CFAP52: variants seen among roughly 807,000 people sequenced by gnomAD.
CFAP52 encodes the protein cilia and flagella associated protein 52, also known as cilia- and flagella-associated protein 52.
Under a neutral mutation model 70.5 loss-of-function variants are expected in CFAP52, and 57 were observed. The ratio of observed to expected loss-of-function variants is 0.81; its 90% CI spans 0.65 to 1.01. CFAP52 has a LOEUF of 1.01. Among genes scored for constraint, CFAP52 ranks in the 50% least tolerant of loss-of-function variants. CFAP52 has a pLI of 0.00. For missense variants in CFAP52, 785 were observed against 788.5 expected, an observed-to-expected ratio of 1.00 and a Z score of 0.05; for synonymous variants, 267 against 292.5, an observed-to-expected ratio of 0.91 and a Z score of 0.89.
At chr17:9,628,930 A>C in intron 9 of CFAP52, 110 bp downstream of exon 9, 1 of 1,472,150 alleles carries the variant, frequency 6.8e-7, no homozygotes, top group Non-Finnish European at 9.3e-7. Flanking sequence ...ACAGCCTCCC[A>C]CTGTCCACCC....
chr17:9,624,090 C>A (rs141029534), intron 8 of CFAP52, among the ~76,000 whole-genome samples: 259 of 152,088 alleles, frequency 1.7e-3, no homozygotes, highest in African/African-American at 6.1e-3. Context: ...TGTCATTTTT[C>A]TGTTTATATT....
At chr17:9,602,102 T>C (rs1432971239) in intron 6 of CFAP52, among the ~76,000 whole-genome samples, 1 of 152,184 alleles carries the variant, frequency 6.6e-6, no homozygotes, top group Non-Finnish European at 1.5e-5. Flanking sequence ...AGTGTGGTTT[T>C]TCTAATTCTT....
In CFAP52 at chr17:9,600,069, G is replaced by T. The variant is rs749112015; in HGVS notation, c.639G>T (p.Val213=). Residue 213 remains valine (V), a splice_region_variant and synonymous_variant, in exon 6 of 14, where the codon GTG becomes GTT. Transcript: ENST00000352665. The part of the protein sequence containing the change: ...QLKRIVMSIG[V]DDDDSFFYLG... Reference sequence around the variant, plus strand: ...ATTTCTTTTTCTTGCTTCTTCAGGTGGATGATGATGATAGCTTTTTCTACC... The same window carrying T: ...ATTTCTTTTTCTTGCTTCTTCAGGTTGATGATGATGATAGCTTTTTCTACC... 2 of 1,612,808 alleles carry T rather than the reference G, an allele frequency of 1.2e-6. No homozygotes were observed. The highest frequency in any genetic ancestry group is 1.7e-6 in the Non-Finnish European group (2 of 1,179,276).
Position 9,643,410 on chromosome 17 carries a change from G to T in CFAP52, c.*212G>T. Reference sequence around the variant, plus strand: ...GAATAATTTGTGCAGACTCTAATTAGAACTTTTAACATTTTGAATAAATTC... The same window carrying T: ...GAATAATTTGTGCAGACTCTAATTATAACTTTTAACATTTTGAATAAATTC... On this transcript the variant is annotated 3_prime_UTR_variant, in exon 14 of 14. Transcript: ENST00000352665. 1 of 416,448 alleles carries T rather than the reference G, an allele frequency of 2.4e-6. No homozygotes were observed. Among genetic ancestry groups the T allele is most frequent in the Non-Finnish European group, 4.1e-6 (1 of 243,578 alleles). 25.8% of individuals were successfully genotyped at this position (416,448 alleles called of 1,614,324 possible).
intron 8 of CFAP52, among the ~76,000 whole-genome samples, chr17:9,616,762 A>C (rs1199031182): frequency 1.5e-5 from 2 of 131,414 alleles, no homozygotes; most frequent in Non-Finnish European, 3.2e-5. Flanking sequence ...ACGGCAGGGT[A>C]TTCCAACAGA....
chr17:9,585,025 C>A (rs1908391221), intron 1 of CFAP52, among the ~76,000 whole-genome samples: 1 of 152,100 alleles, frequency 6.6e-6, no homozygotes, highest in Non-Finnish European at 1.5e-5. Context: ...TAAAATAGGC[C>A]AAATTTTTAT....
rs753993075 is a variant in CFAP52, at chr17:9,635,538, G to A, written c.1454G>A (p.Cys485Tyr). Residue 485 changes from cysteine (C) to tyrosine (Y), a missense_variant, in exon 11 of 14, where the codon TGT becomes TAT. Transcript: ENST00000352665. ...GTCACCGCCAGCACCGATGGGACTT[G>A]TATCATTTGGGACCTTGTGTAGGTA... ...ECVTASTDGT[C>Y]IIWDLVRLRR... 2 of 1,614,208 alleles carry A rather than the reference G, an allele frequency of 1.2e-6. No homozygotes were observed. The highest frequency in any genetic ancestry group is 2.2e-5 in the South Asian group (2 of 91,080).
In CFAP52 at chr17:9,600,072, T is replaced by G; in HGVS notation, c.642T>G (p.Asp214Glu). The G allele has an allele frequency of 1.2e-6, 2 of 1,610,690 alleles. No homozygotes were observed. Among genetic ancestry groups the G allele is most frequent in the African/African-American group, 2.7e-5 (2 of 74,886 alleles). Reference protein sequence around the residue: ...LKRIVMSIGVDDDDSFFYLGT... With the variant: ...LKRIVMSIGVEDDDSFFYLGT... The stretch of plus-strand genomic sequence containing the variant: ...TCTTTTTCTTGCTTCTTCAGGTGGA[T>G]GATGATGATAGCTTTTTCTACCTTG... The change falls in exon 6 of 14, where the codon GAT becomes GAG. Residue 214 changes from aspartate to glutamate, a missense_variant. Physicochemically the swap from Asp to Glu is conservative, Grantham distance 45. Coordinates refer to ENST00000352665, the MANE Select transcript of CFAP52 (RefSeq NM_145054.5).
chr17:9,632,875 C>T lies in CFAP52; in HGVS notation c.1175-13C>T. The T allele has an allele frequency of 6.2e-7, 1 of 1,613,224 alleles. No individual in the cohort carries two copies. The highest frequency in any genetic ancestry group is 8.5e-7 in the Non-Finnish European group (1 of 1,179,382). ...ACTGATCCTGCCTGCCTTTTGTTTC[C>T]CTTTCATGCCAGCATGGAACGACGG... On this transcript the variant is annotated splice_polypyrimidine_tract_variant and intron_variant, in intron 9 of 13. Coordinates refer to ENST00000352665, the MANE Select transcript of CFAP52 (RefSeq NM_145054.5).
At chr17:9,593,244 C>T (rs371989640) in intron 3 of CFAP52, among the ~76,000 whole-genome samples, 77 of 152,272 alleles carry the variant, frequency 5.1e-4, no homozygotes, top group African/African-American at 1.8e-3. Flanking sequence ...ACACCCTATT[C>T]AGTGTAGGAT....
intron 12 of CFAP52, among the ~76,000 whole-genome samples, chr17:9,640,835 G>A (rs1167050022): frequency 6.6e-6 from 1 of 151,970 alleles, no homozygotes; most frequent in Non-Finnish European, 1.5e-5. Context: ...GTACAGACAG[G>A]GTTTCACCAT....
At chr17:9,584,348 G>A in intron 1 of CFAP52, 2 of 1,289,906 alleles carry the variant, frequency 1.6e-6, no homozygotes, top group Non-Finnish European at 1.0e-6. Flanking sequence ...ACCATGAAAG[G>A]TCCCAGGCTC....
At position 9,641,758 on chromosome 17, in the gene CFAP52, T is replaced by C; in HGVS notation, c.1610T>C (p.Ile537Thr). 6.2e-7 allele frequency: 1 copy of C among 1,613,916 alleles called. No individual in the cohort carries two copies. Among genetic ancestry groups the C allele is most frequent in the Non-Finnish European group, 8.5e-7 (1 of 1,179,862 alleles). ...AYWEVFDGTV[I>T]RELEGSLSGS... Reference sequence around the variant, plus strand: ...TGGGAAGTATTTGATGGGACAGTAATCAGAGAATTGGAAGGTTCCCTGTCT... The same window carrying C: ...TGGGAAGTATTTGATGGGACAGTAACCAGAGAATTGGAAGGTTCCCTGTCT... The change falls in exon 13 of 14, where the codon ATC (isoleucine) becomes ACC (threonine). Residue 537 changes from isoleucine to threonine, a missense_variant. Physicochemically the swap from Ile to Thr is moderately conservative, Grantham distance 89. Transcript: ENST00000352665.
At chr17:9,606,070 T>TA (rs201508680) in intron 6 of CFAP52, among the ~76,000 whole-genome samples, 5,136 of 151,788 alleles carry the variant, frequency 0.034, 96 homozygotes, top group African/African-American at 0.042. Context: ...AAAACTGCTC[T>TA]AAAAAAAATA....
rs1202938298 is a variant in CFAP52, at chr17:9,585,894, C to T, written c.192C>T (p.Gly64=). 2 of 1,613,446 alleles carry T rather than the reference C, an allele frequency of 1.2e-6. No homozygotes were observed. The highest frequency in any genetic ancestry group is 2.2e-5 in the South Asian group (2 of 91,050). ...AGCAGAACTTCCTACAGGGTCATGGCAACAACGTCTCCTGCTTGGCCATCT... is the reference window on the plus strand; with the variant it reads ...AGCAGAACTTCCTACAGGGTCATGGTAACAACGTCTCCTGCTTGGCCATCT... ...TKEQNFLQGH[G]NNVSCLAISR... Residue 64 remains glycine (G), a synonymous_variant, in exon 2 of 14, where the codon GGC becomes GGT. Coordinates refer to ENST00000352665, the MANE Select transcript of CFAP52 (RefSeq NM_145054.5).
chr17:9,628,599 A>G, intron 8 of CFAP52, 73 bp from the exon 9 acceptor site: 1 of 1,559,126 alleles, frequency 6.4e-7, no homozygotes, highest in East Asian at 2.3e-5. Context: ...TTTGTGAAAC[A>G]CATTTTGGTG....
intron 3 of CFAP52, among the ~76,000 whole-genome samples, chr17:9,589,732 C>CAAAAAA (rs33978485): frequency 7.8e-6 from 1 of 127,498 alleles, no homozygotes; most frequent in African/African-American, 3.1e-5. Context: ...GACTCCGTCT[C>CAAAAAA]AAAAAAAAAA....
intron 6 of CFAP52, among the ~76,000 whole-genome samples, chr17:9,606,942 G>C (rs1023464335): frequency 3.3e-5 from 5 of 152,158 alleles, no homozygotes; most frequent in African/African-American, 1.2e-4. Flanking sequence ...GCCACAACAG[G>C]CTAAATTCAG....
chr17:9,596,059 G>GTATATATATA (rs796314327), intron 4 of CFAP52, among the ~76,000 whole-genome samples: 2 of 85,210 alleles, frequency 2.3e-5, no homozygotes, highest in African/African-American at 8.9e-5. Flanking sequence ...ATATGTGTGT[G>GTATATATATA]TATATATATA....
Sources: gnomAD v4.1 joint callset for allele counts (sites outside exome capture counted in the v4.1 genomes callset) on GRCh38, gnomAD v4.1.1 for gene constraint, MANE v1.5 for transcripts, NCBI Gene and HGNC (gene_info 2026-07-23, HGNC 2026-07-21) for gene names.